CFHR2: variants seen among roughly 807,000 people sequenced by gnomAD.
CFHR2 encodes the protein complement factor H-related protein 2.
In CFHR2, 22 loss-of-function variants were observed where a neutral mutation model predicts 21.7. The observed-to-expected ratio is 1.01, with a 90% CI of 0.72 to 1.45. CFHR2 has a LOEUF of 1.45. Ranked by LOEUF, CFHR2 falls within the 40% of genes most tolerant of loss-of-function variation. CFHR2 has a pLI of 0.00. For synonymous variants in CFHR2, 98 were observed against 97.4 expected, an observed-to-expected ratio of 1.01 and a Z score of -0.04; for missense variants, 294 against 293.3, an observed-to-expected ratio of 1.00 and a Z score of -0.02.
intron 3 of CFHR2, among the ~76,000 whole-genome samples, chr1:196,953,000 T>C (rs1435934066): frequency 6.6e-6 from 1 of 152,188 alleles, no homozygotes; most frequent in Non-Finnish European, 1.5e-5. Flanking sequence ...CGGAACACTC[T>C]ATGTCCAAGG....
rs555453022 is a variant in CFHR2, at chr1:196,954,557, ACTCTGCCCT to A, written c.431-3333_431-3325del. ...GGTTCCAACCCTACATTTCCCTTCC[ACTCTGCCCT>A]AGCAGAGGTTCTCCATGAACCTGCA... On this transcript the variant is annotated intron_variant, in intron 3 of 4. Coordinates refer to ENST00000367415, the MANE Select transcript of CFHR2 (RefSeq NM_005666.4). Among the ~76,000 whole-genome samples, 120 of 151,600 alleles carry A rather than the reference ACTCTGCCCT, an allele frequency of 7.9e-4. 2 individuals carry two copies. In the East Asian group the frequency reaches 0.021, roughly 27 times the overall value.
At chr1:196,949,862 A>G (rs901826724) in intron 2 of CFHR2, among the ~76,000 whole-genome samples, 18 of 152,208 alleles carry the variant, frequency 1.2e-4, no homozygotes, top group Admixed American at 1.1e-3. Context: ...AATTCTCTAC[A>G]TGTTGAAATA....
At chr1:196,951,562 C>A (rs1242184259) in intron 3 of CFHR2, among the ~76,000 whole-genome samples, 1 of 152,074 alleles carries the variant, frequency 6.6e-6, no homozygotes, top group Non-Finnish European at 1.5e-5. Flanking sequence ...AATGATGGCA[C>A]CTCCCAGTCC....
rs546436251 is a variant in CFHR2, at chr1:196,944,389, G to A, written c.58+451G>A. On this transcript the variant is annotated intron_variant, in intron 1 of 4. Coordinates refer to ENST00000367415, the MANE Select transcript of CFHR2 (RefSeq NM_005666.4). ...AAATGGAGGAATTCCCATTTCAATC[G>A]AATTATCCTTCAACAGAGGGAAATA... Among the ~76,000 whole-genome samples, 65 of 151,852 alleles carry A rather than the reference G, an allele frequency of 4.3e-4. No homozygotes were observed. The East Asian group carries it at 0.011, about 27-fold the overall frequency.
In CFHR2 at chr1:196,957,979, A is replaced by G; in HGVS notation, c.519A>G (p.Ser173=). The change falls in exon 4 of 5, where the codon TCA becomes TCG. Residue 173 remains serine, a synonymous_variant. Coordinates refer to ENST00000367415, the MANE Select transcript of CFHR2 (RefSeq NM_005666.4). Reference sequence around the variant, plus strand: ...TGTCAGTATATGCTCCAGGTTCATCAGTTGAGTACCAGTGCCAGAACTTGT... The same window carrying G: ...TGTCAGTATATGCTCCAGGTTCATCGGTTGAGTACCAGTGCCAGAACTTGT... ...FLLSVYAPGS[S]VEYQCQNLYQ... is the part of the protein sequence containing the mutation. 6.2e-7 allele frequency: 1 copy of G among 1,613,798 alleles called. No individual in the cohort carries two copies. Among genetic ancestry groups the G allele is most frequent in the Non-Finnish European group, 8.5e-7 (1 of 1,179,784 alleles).
At chr1:196,954,893 T>C (rs1343147953) in intron 3 of CFHR2, among the ~76,000 whole-genome samples, 1 of 152,234 alleles carries the variant, frequency 6.6e-6, no homozygotes, top group Non-Finnish European at 1.5e-5. Flanking sequence ...AAAATATTTT[T>C]CCCTGCTAGG....
chr1:196,947,673 C>A (rs1254770288), intron 1 of CFHR2, among the ~76,000 whole-genome samples: 1 of 152,024 alleles, frequency 6.6e-6, no homozygotes, highest in Non-Finnish European at 1.5e-5. Flanking sequence ...ACACATCTTC[C>A]AAATAAGGTG....
Position 196,946,466 on chromosome 1 carries a change from TA to T in CFHR2, c.58+2534del, listed in dbSNP as rs897038780. On this transcript the variant is annotated intron_variant, in intron 1 of 4. Transcript: ENST00000367415. ...ATGTCTTTCGAGATAATATTTAGCT[TA>T]AAAAACATTGTAGAGATGTACAAAA... 7.2e-4 allele frequency among the ~76,000 whole-genome samples: 110 copies of T among 152,336 alleles called. 1 individual carries two copies. Among genetic ancestry groups the T allele is most frequent in the Non-Finnish European group, 1.0e-3 (70 of 68,030 alleles).
chr1:196,958,115 G>A, intron 4 of CFHR2, 42 bp downstream of exon 4: 5 of 1,565,376 alleles, frequency 3.2e-6, no homozygotes, highest in Non-Finnish European at 4.4e-6. Flanking sequence ...AAAAATCAGT[G>A]TGATGAGTCT....
At chr1:196,957,323 A>G (rs919695124) in intron 3 of CFHR2, among the ~76,000 whole-genome samples, 9 of 148,628 alleles carry the variant, frequency 6.1e-5, no homozygotes, top group African/African-American at 2.2e-4. Context: ...TACATCTTTC[A>G]GAGTCTTTTT....
At chr1:196,945,226 C>T (rs1306215219) in intron 1 of CFHR2, among the ~76,000 whole-genome samples, 2 of 149,522 alleles carry the variant, frequency 1.3e-5, no homozygotes, top group African/African-American at 5.0e-5. Context: ...GTTGTAATCA[C>T]AGGAGTGCGA....
In CFHR2 at chr1:196,955,736, A is replaced by G. The variant is rs1489711781; in HGVS notation, c.431-2155A>G. ...GGTGGTGACTCCTGTAATCTCGGCT[A>G]TTTGGGAGGCTGAGGCAGGAGAATC... On this transcript the variant is annotated intron_variant, in intron 3 of 4. Coordinates refer to ENST00000367415, the MANE Select transcript of CFHR2 (RefSeq NM_005666.4). Among the ~76,000 whole-genome samples the G allele has an allele frequency of 3.3e-5, 5 of 151,980 alleles. No individual in the cohort carries two copies. In the East Asian group the frequency reaches 9.6e-4, roughly 29 times the overall value.
intron 3 of CFHR2, among the ~76,000 whole-genome samples, chr1:196,957,142 A>T (rs1452112118): frequency 6.6e-6 from 1 of 152,106 alleles, no homozygotes; most frequent in Non-Finnish European, 1.5e-5. Context: ...TGGGTATAGA[A>T]AGTAGGCTCT....
At chr1:196,954,471 G>C (rs902770963) in intron 3 of CFHR2, among the ~76,000 whole-genome samples, 3 of 152,194 alleles carry the variant, frequency 2.0e-5, no homozygotes, top group Non-Finnish European at 4.4e-5. Context: ...GTGGTCTGGA[G>C]GAGAGTAGCC....
intron 2 of CFHR2, 127 bp from the exon 3 acceptor site, chr1:196,950,723 TCA>T: frequency 9.7e-7 from 1 of 1,030,240 alleles, no homozygotes; most frequent in East Asian, 2.6e-5. Flanking sequence ...TCCACTCACC[TCA>T]GCCTCCCAAA....
chr1:196,950,126 A>G (rs187096920), intron 2 of CFHR2, among the ~76,000 whole-genome samples: 14 of 152,330 alleles, frequency 9.2e-5, no homozygotes, highest in African/African-American at 2.6e-4. Flanking sequence ...GCAGACTCCA[A>G]TGATAACAGG....
chr1:196,951,560 C>T (rs933472007), intron 3 of CFHR2, among the ~76,000 whole-genome samples: 2 of 152,112 alleles, frequency 1.3e-5, no homozygotes, highest in South Asian at 4.1e-4. Context: ...TAAATGATGG[C>T]ACCTCCCAGT....
intron 1 of CFHR2, among the ~76,000 whole-genome samples, chr1:196,944,341 C>A (rs1659397013): frequency 6.6e-6 from 1 of 151,364 alleles, no homozygotes; most frequent in Non-Finnish European, 1.5e-5. Context: ...TAGATTTGAT[C>A]ATTTAAATTT....
At chr1:196,946,899 C>A (rs906068385) in intron 1 of CFHR2, among the ~76,000 whole-genome samples, 1 of 152,128 alleles carries the variant, frequency 6.6e-6, no homozygotes, top group Non-Finnish European at 1.5e-5. Flanking sequence ...ATGTACTGTA[C>A]AAAATTGTGT....
Sources: gnomAD v4.1 joint callset for allele counts (sites outside exome capture counted in the v4.1 genomes callset) on GRCh38, gnomAD v4.1.1 for gene constraint, MANE v1.5 for transcripts, NCBI Gene and HGNC (gene_info 2026-07-23, HGNC 2026-07-21) for gene names.